The following SMIM17 variants were observed in gnomAD, a reference collection of about 807,000 sequenced individuals.
SMIM17 encodes the protein small integral membrane protein 17.
Under a neutral mutation model 12.2 loss-of-function variants are expected in SMIM17, and 10 were observed. That is an observed-to-expected ratio of 0.82 (90% CI 0.50 to 1.39). SMIM17 has a LOEUF of 1.39. Ranked by LOEUF, SMIM17 falls within the 40% of genes most tolerant of loss-of-function variation. The pLI is 0.00. For synonymous variants in SMIM17, 50 were observed against 44.1 expected (o/e 1.13, Z -0.53); for missense variants, 136 against 118.2 (o/e 1.15, Z -0.70).
intron 2 of SMIM17, among the ~76,000 whole-genome samples, chr19:56,647,272 T>C (rs552501106): frequency 2.2e-4 from 34 of 152,198 alleles, no homozygotes; most frequent in South Asian, 6.2e-4. Context: ...GGTGACCCAG[T>C]TGAAGTTTTC....
rs1054429654 is a variant in SMIM17 at position 56,655,161 on chromosome 19, T to C, written c.305T>C (p.Val102Ala). The change falls in exon 4 of 4, where the codon GTG becomes GCG. Residue 102 changes from valine to alanine, a missense_variant. Transcript: ENST00000598409. ...ACAACCATAGTCTTGGTAGTGTGCG[T>C]GCTTTTTTTGTTCCTGGTTTTAACG... Reference protein sequence around the residue: ...QQTTIVLVVCVLFLFLVLTGM... With the variant: ...QQTTIVLVVCALFLFLVLTGM... 15 of 702,688 alleles carry C rather than the reference T, an allele frequency of 2.1e-5. No individual in the cohort carries two copies. Among genetic ancestry groups the C allele is most frequent in the Non-Finnish European group, 3.9e-5 (15 of 384,902 alleles). 43.5% of individuals were successfully genotyped at this position (702,688 alleles called of 1,614,324 possible).
chr19:56,654,661 C>CT lies in SMIM17; in HGVS notation c.247-434dup, dbSNP rs200617604. On this transcript the variant is annotated intron_variant, in intron 3 of 3. Transcript: ENST00000598409. ...AATGGGAGGAAAACTGCATGAGGAGCTTTTTTTTGTGGGGGACATTACAAT... is the reference window on the plus strand; with the variant it reads ...AATGGGAGGAAAACTGCATGAGGAGCTTTTTTTTTGTGGGGGACATTACAAT... 4.9e-3 allele frequency among the ~76,000 whole-genome samples: 739 copies of CT among 151,750 alleles called. 5 individuals carry two copies. Among genetic ancestry groups the CT allele is most frequent in the African/African-American group, 0.017 (698 of 41,268 alleles).
intron 1 of SMIM17, among the ~76,000 whole-genome samples, chr19:56,644,200 T>C (rs1442271955): frequency 2.6e-5 from 4 of 152,086 alleles, no homozygotes; most frequent in African/African-American, 9.7e-5. Context: ...TTATGTCTCA[T>C]ATTAAAAACA....
rs991480943 is a variant in SMIM17, at chr19:56,656,434, T to C, written c.*1221T>C. On this transcript the variant is annotated 3_prime_UTR_variant, in exon 4 of 4. Transcript: ENST00000598409. ...AAGGTTTATCTAGCTTACTATTGTT[T>C]TTCCAAAGAACCAACATTAGGATTC... is the stretch of plus-strand genomic sequence containing the variant. Among the ~76,000 whole-genome samples, 1 of 152,222 alleles carries C rather than the reference T, an allele frequency of 6.6e-6. No individual in the cohort carries two copies. The highest frequency in any genetic ancestry group is 1.5e-5 in the Non-Finnish European group (1 of 68,044).
chr19:56,643,449 G>A (rs2045039180), intron 1 of SMIM17, among the ~76,000 whole-genome samples: 2 of 152,136 alleles, frequency 1.3e-5, no homozygotes, highest in Non-Finnish European at 2.9e-5. Context: ...CCGCAGCGGA[G>A]GTCTGTGTCC....
chr19:56,646,155 T>A (rs1262687698), intron 2 of SMIM17, among the ~76,000 whole-genome samples: 1 of 152,180 alleles, frequency 6.6e-6, no homozygotes, highest in Non-Finnish European at 1.5e-5. Context: ...TACCCCCATG[T>A]CTGCTGGTGC....
chr19:56,643,409 C>T (rs1200114844), intron 1 of SMIM17, among the ~76,000 whole-genome samples, 199 bp downstream of exon 1: 1 of 152,098 alleles, frequency 6.6e-6, no homozygotes, highest in African/African-American at 2.4e-5. Context: ...TGGGAGAGGA[C>T]CGGGGTCTGT....
At position 56,645,635 on chromosome 19, in the gene SMIM17, C is replaced by T. The variant is rs1470889156; in HGVS notation, c.-33C>T. The T allele has an allele frequency of 6.9e-7, 1 of 1,447,756 alleles. No homozygotes were observed. The highest frequency in any genetic ancestry group is 9.1e-7 in the Non-Finnish European group (1 of 1,104,528). The allele number at this position is 1,447,756 out of a possible 1,614,324, so 89.7% of individuals were successfully genotyped here. The stretch of plus-strand genomic sequence containing the variant: ...CCTGGAGCAGGAGGAGAAAGAGAAG[C>T]TTGTCTCAGAAGCTCCACCTCCTCC... On this transcript the variant is annotated 5_prime_UTR_variant, in exon 2 of 4. Transcript: ENST00000598409.
rs2045147273 is a variant in SMIM17 at position 56,655,942 on chromosome 19, A to G, written c.*729A>G. On this transcript the variant is annotated 3_prime_UTR_variant, in exon 4 of 4. Coordinates refer to ENST00000598409, the MANE Select transcript of SMIM17 (RefSeq NM_001193628.2). ...CCTCTTGCATTTATTTTGGCGAATT[A>G]CAGAGGTTTTTGTTTTTTTTTTTTT... is the stretch of plus-strand genomic sequence containing the variant. Among the ~76,000 whole-genome samples the G allele has an allele frequency of 6.8e-6, 1 of 147,296 alleles. No individual in the cohort carries two copies. Among genetic ancestry groups the G allele is most frequent in the South Asian group, 2.2e-4 (1 of 4,634 alleles).
chr19:56,649,154 G>A (rs956012518), intron 3 of SMIM17, among the ~76,000 whole-genome samples: 5 of 152,184 alleles, frequency 3.3e-5, no homozygotes, highest in South Asian at 2.1e-4. Context: ...TGGAGTTTTC[G>A]GGATAGTAAG....
At chr19:56,647,319 T>C (rs2148039344) in intron 2 of SMIM17, among the ~76,000 whole-genome samples, 1 of 152,150 alleles carries the variant, frequency 6.6e-6, no homozygotes, top group East Asian at 1.9e-4. Flanking sequence ...TCTTTCATTC[T>C]CTCAGCCCCA....
In SMIM17 at chr19:56,655,301, G is replaced by A; in HGVS notation, c.*88G>A. The A allele has an allele frequency of 1.7e-6, 1 of 579,202 alleles. No individual in the cohort carries two copies. Among genetic ancestry groups the A allele is most frequent in the South Asian group, 2.3e-5 (1 of 43,932 alleles). 35.9% of individuals were successfully genotyped at this position (579,202 alleles called of 1,614,324 possible). A position where few individuals can be genotyped will look rare whatever the true frequency, so the allele number is the denominator to read the frequency against. On this transcript the variant is annotated 3_prime_UTR_variant, in exon 4 of 4. Transcript: ENST00000598409. The stretch of plus-strand genomic sequence containing the variant: ...AAGGAATTGTGCTAGTTAAAAATCA[G>A]GAATAGGTGTTGAATATTTTCAAAT...
At chr19:56,644,080 T>G (rs2045044101) in intron 1 of SMIM17, among the ~76,000 whole-genome samples, 1 of 151,966 alleles carries the variant, frequency 6.6e-6, no homozygotes, top group Admixed American at 6.6e-5. Context: ...GGATCCAGCT[T>G]CTCCTGACCT....
At chr19:56,644,602 G>A (rs2045047852) in intron 1 of SMIM17, among the ~76,000 whole-genome samples, 1 of 152,182 alleles carries the variant, frequency 6.6e-6, no homozygotes, top group Non-Finnish European at 1.5e-5. Flanking sequence ...AGCTTCTTCA[G>A]ACAGGAGACC....
intron 1 of SMIM17, among the ~76,000 whole-genome samples, chr19:56,644,540 G>A (rs1364362122): frequency 6.6e-6 from 1 of 152,284 alleles, no homozygotes; most frequent in Admixed American, 6.5e-5. Flanking sequence ...CAGGATGGGC[G>A]ACACCAGTCC....
rs187992134 is a variant in SMIM17 at position 56,645,510 on chromosome 19, G to A, written c.-100-58G>A. 123 of 600,296 alleles carry A rather than the reference G, an allele frequency of 2.0e-4. 1 individual carries two copies. In the East Asian group the frequency reaches 3.4e-3, roughly 17 times the overall value. The allele number at this position is 600,296 out of a possible 1,614,324, so 37.2% of individuals were successfully genotyped here. A position where few individuals can be genotyped will look rare whatever the true frequency, so the allele number is the denominator to read the frequency against. ...TGCTGTATTTCTAATGCTTACAGTC[G>A]TGCCTAGCCCCTGCTGGCCCTCTGT... On this transcript the variant is annotated intron_variant, in intron 1 of 3. Coordinates refer to ENST00000598409, the MANE Select transcript of SMIM17 (RefSeq NM_001193628.2).
rs1377775755 is a variant in SMIM17 at position 56,645,761 on chromosome 19, C to A, written c.94C>A (p.Pro32Thr). ...LPRESRAWEKPPHPACTKDWE... is the reference protein window; with the variant it reads ...LPRESRAWEKTPHPACTKDWE... ...TCGGGAGAGCCGGGCCTGGGAGAAG[C>A]CTCCTCATCCCGCCTGCACCAAAGA... The change falls in exon 2 of 4, where the codon CCT becomes ACT. Residue 32 changes from proline (P) to threonine (T), a missense_variant. Pro to Thr is a conservative substitution (Grantham distance 38). Coordinates refer to ENST00000598409, the MANE Select transcript of SMIM17 (RefSeq NM_001193628.2). 1 of 1,535,942 alleles carries A rather than the reference C, an allele frequency of 6.5e-7. No homozygotes were observed. The highest frequency in any genetic ancestry group is 2.4e-5 in the East Asian group (1 of 40,900).
chr19:56,655,954 G>GT lies in SMIM17; in HGVS notation c.*756dup, dbSNP rs577062963. Among the ~76,000 whole-genome samples, 60,347 of 133,046 alleles carry GT rather than the reference G, an allele frequency of 0.45. 13,945 individuals are homozygous for GT. The highest frequency in any genetic ancestry group is 0.62 in the East Asian group (2,876 of 4,602). 87.3% of individuals were successfully genotyped at this position (133,046 alleles called of 152,430 possible). On this transcript the variant is annotated 3_prime_UTR_variant, in exon 4 of 4. Coordinates refer to ENST00000598409, the MANE Select transcript of SMIM17 (RefSeq NM_001193628.2). ...ATTTTGGCGAATTACAGAGGTTTTTGTTTTTTTTTTTTTTTGAGACCGAGT... is the reference window on the plus strand; with the variant it reads ...ATTTTGGCGAATTACAGAGGTTTTTGTTTTTTTTTTTTTTTTGAGACCGAGT...
chr19:56,655,540 G>T lies in SMIM17; in HGVS notation c.*327G>T, dbSNP rs2045143941. The T allele has an allele frequency of 3.0e-6, 1 of 328,334 alleles. No individual in the cohort carries two copies. The highest frequency in any genetic ancestry group is 5.5e-6 in the Non-Finnish European group (1 of 182,382). 20.3% of individuals were successfully genotyped at this position (328,334 alleles called of 1,614,324 possible). A position where few individuals can be genotyped will look rare whatever the true frequency, so the allele number is the denominator to read the frequency against. ...AAAAAATGTGCAACTGAAGATCAAT[G>T]AAATCTGGTACATTTCCTAACATCA... On this transcript the variant is annotated 3_prime_UTR_variant, in exon 4 of 4. Coordinates refer to ENST00000598409, the MANE Select transcript of SMIM17 (RefSeq NM_001193628.2).
Sources: allele counts gnomAD v4.1 joint callset (sites outside exome capture counted in the v4.1 genomes callset), GRCh38; gene constraint gnomAD v4.1.1; transcripts MANE v1.5; gene names NCBI Gene and HGNC (gene_info 2026-07-23, HGNC 2026-07-21).